Variants in MAST2 observed in about 807,000 individuals in gnomAD.
The protein encoded by MAST2 is microtubule-associated serine/threonine-protein kinase 2.
In MAST2, 70 loss-of-function variants were observed where a neutral mutation model predicts 147.4. That is an observed-to-expected ratio of 0.47 (90% CI 0.39 to 0.58). MAST2 has a LOEUF of 0.58. Among genes scored for constraint, MAST2 ranks in the 20% least tolerant of loss-of-function variants. The pLI is 0.00. For synonymous variants in MAST2, 869 were observed against 896.8 expected (o/e 0.97, Z 0.55); for missense variants, 2,080 against 2,302.3 (o/e 0.90, Z 1.98).
intron 3 of MAST2, among the ~76,000 whole-genome samples, chr1:45,874,634 C>G (rs971832715): frequency 3.3e-5 from 5 of 152,204 alleles, no homozygotes; most frequent in Non-Finnish European, 7.3e-5. Context: ...GAACCATTTA[C>G]TTACTTGATG....
intron 4 of MAST2, among the ~76,000 whole-genome samples, chr1:45,937,550 G>A (rs1243888696): frequency 1.3e-5 from 2 of 151,824 alleles, no homozygotes; most frequent in East Asian, 3.9e-4. Flanking sequence ...AGGGGTTCGA[G>A]ACCAGCCTGG....
intron 4 of MAST2, among the ~76,000 whole-genome samples, chr1:45,940,384 T>C (rs990962564): frequency 2.0e-5 from 3 of 152,182 alleles, no homozygotes; most frequent in African/African-American, 7.2e-5. Flanking sequence ...CTAAGTATTT[T>C]AATATTTCTA....
chr1:45,965,314 T>A (rs1203589617), intron 5 of MAST2, among the ~76,000 whole-genome samples: 1 of 152,204 alleles, frequency 6.6e-6, no homozygotes. Flanking sequence ...ATGTTGACAG[T>A]GGGGTGTTAA....
intron 4 of MAST2, among the ~76,000 whole-genome samples, chr1:45,924,053 G>A (rs868331762): frequency 2.6e-5 from 4 of 152,004 alleles, no homozygotes; most frequent in Admixed American, 2.0e-4. Flanking sequence ...TGTATTTTTA[G>A]TAGAGACTGG....
chr1:45,806,176 G>A (rs1644135991), intron 1 of MAST2, among the ~76,000 whole-genome samples: 1 of 152,140 alleles, frequency 6.6e-6, no homozygotes, highest in African/African-American at 2.4e-5. Flanking sequence ...CTTTCTCCTA[G>A]CACTACTCTT....
At chr1:45,947,539 G>A (rs1406581835) in intron 4 of MAST2, among the ~76,000 whole-genome samples, 1 of 152,076 alleles carries the variant, frequency 6.6e-6, no homozygotes, top group East Asian at 1.9e-4. Flanking sequence ...AAAACCCTGA[G>A]GGACCCAAAT....
chr1:45,917,353 GC>G lies in MAST2; in HGVS notation c.500+34960del, dbSNP rs765794795. 2.9e-6 allele frequency: 4 copies of G among 1,365,912 alleles called. No individual in the cohort carries two copies. The African/African-American group carries it at 5.9e-5, about 20-fold the overall frequency. The allele number at this position is 1,365,912 out of a possible 1,614,324, so 84.6% of individuals were successfully genotyped here. On this transcript the variant is annotated intron_variant, in intron 4 of 28. Coordinates refer to ENST00000361297, the MANE Select transcript of MAST2 (RefSeq NM_015112.3). ...TACCTTGTCAGAATCTCTACCCTTT[GC>G]CGAGGAGCTGAAGTAAACCAGCACA...
At chr1:45,814,115 G>A (rs1644381945) in intron 1 of MAST2, among the ~76,000 whole-genome samples, 1 of 152,210 alleles carries the variant, frequency 6.6e-6, no homozygotes, top group African/African-American at 2.4e-5. Flanking sequence ...TGCATGCACA[G>A]CACATAATAC....
intron 26 of MAST2, 90 bp from the exon 27 acceptor site, chr1:46,033,712 G>C: frequency 6.6e-7 from 1 of 1,524,512 alleles, no homozygotes; most frequent in Non-Finnish European, 9.0e-7. Context: ...TGGAGCTGTG[G>C]TATAGCCATG....
chr1:45,812,981 ATC>A (rs1644348102), intron 1 of MAST2, among the ~76,000 whole-genome samples: 1 of 151,878 alleles, frequency 6.6e-6, no homozygotes. Flanking sequence ...GTCCCTCAAT[ATC>A]TCTCGGGGAT....
chr1:46,023,134 C>A lies in MAST2; in HGVS notation c.1486-99C>A. On this transcript the variant is annotated intron_variant, in intron 13 of 28. Transcript: ENST00000361297. This position sits in a 1 kb window ranked among gnomAD's most constrained non-coding sequence, Gnocchi z 4.9. ...CCAGAAGAATGAGCAGGAGACTGCA[C>A]TAGAGCTGACAGCTGAGAAGATGCT... is the stretch of plus-strand genomic sequence containing the variant. 7.9e-7 allele frequency: 1 copy of A among 1,273,678 alleles called. No individual in the cohort carries two copies. Among genetic ancestry groups the A allele is most frequent in the Non-Finnish European group, 1.1e-6 (1 of 871,546 alleles). The allele number at this position is 1,273,678 out of a possible 1,614,324, so 78.9% of individuals were successfully genotyped here. A position where few individuals can be genotyped will look rare whatever the true frequency, so the allele number is the denominator to read the frequency against.
At chr1:46,021,882 A>G in intron 11 of MAST2, 68 bp from the exon 12 acceptor site, 1 of 1,551,734 alleles carries the variant, frequency 6.4e-7, no homozygotes, top group East Asian at 2.3e-5. Context: ...TATATGCTGT[A>G]AAACCAAAGA....
chr1:45,883,891 G>C (rs1328845569), intron 4 of MAST2, among the ~76,000 whole-genome samples: 1 of 15,646 alleles, frequency 6.4e-5, no homozygotes, highest in Non-Finnish European at 1.3e-4. Context: ...ATTTGTACTT[G>C]GTCATTTTTC....
chr1:45,820,099 G>A (rs1644574637), intron 1 of MAST2, among the ~76,000 whole-genome samples: 1 of 152,160 alleles, frequency 6.6e-6, no homozygotes, highest in African/African-American at 2.4e-5. Flanking sequence ...TAAAAGGACA[G>A]TCTGTACAAT....
intron 7 of MAST2, among the ~76,000 whole-genome samples, chr1:46,004,504 G>C (rs1050370577): frequency 5.3e-5 from 8 of 151,938 alleles, no homozygotes; most frequent in African/African-American, 1.9e-4. Context: ...TAAAATACCA[G>C]TTTTGCCCAC....
chr1:45,859,088 T>C lies in MAST2; in HGVS notation c.469-23276T>C, dbSNP rs540420141. On this transcript the variant is annotated intron_variant, in intron 3 of 28. Transcript: ENST00000361297. Reference sequence around the variant, plus strand: ...TTTTGGCTTAGGATTGTCTTGGCAATGCGGGCCCTTTTTTGGTTCCATATG... The same window carrying C: ...TTTTGGCTTAGGATTGTCTTGGCAACGCGGGCCCTTTTTTGGTTCCATATG... 4.6e-5 allele frequency among the ~76,000 whole-genome samples: 7 copies of C among 152,310 alleles called. No individual in the cohort carries two copies. The South Asian group carries it at 1.5e-3, about 32-fold the overall frequency.
chr1:45,908,547 A>G (rs895837818), intron 4 of MAST2, among the ~76,000 whole-genome samples: 2 of 152,238 alleles, frequency 1.3e-5, no homozygotes, highest in Admixed American at 1.3e-4. Flanking sequence ...CCAATAGATT[A>G]TTTAGAAATA....
At chr1:45,850,601 C>T (rs974786569) in intron 3 of MAST2, among the ~76,000 whole-genome samples, 1 of 152,092 alleles carries the variant, frequency 6.6e-6, no homozygotes, top group Non-Finnish European at 1.5e-5. Flanking sequence ...ACATTTAAAT[C>T]TTTAATCCAT....
intron 5 of MAST2, among the ~76,000 whole-genome samples, chr1:45,969,445 T>A (rs545074025): frequency 6.6e-6 from 1 of 152,158 alleles, no homozygotes; most frequent in Non-Finnish European, 1.5e-5. Flanking sequence ...GACAATCAAG[T>A]GAAGCTACAT....
Sources: allele counts gnomAD v4.1 joint callset (sites outside exome capture counted in the v4.1 genomes callset), GRCh38; gene constraint gnomAD v4.1.1; non-coding constraint Gnocchi (gnomAD v3.1); transcripts MANE v1.5; gene names NCBI Gene and HGNC (gene_info 2026-07-23, HGNC 2026-07-21).